Variants in SYT1 observed in about 807,000 individuals in gnomAD.
SYT1 encodes synaptotagmin 1.
In SYT1, 8 loss-of-function variants were observed where a neutral mutation model predicts 44.8. The observed-to-expected ratio is 0.18, with a 90% CI of 0.10 to 0.32. The LOEUF is 0.32. Among genes scored for constraint, SYT1 ranks in the 10% least tolerant of loss-of-function variants. The pLI is 1.00. For missense variants in SYT1, 286 were observed against 509.3 expected, an observed-to-expected ratio of 0.56 and a Z score of 4.22; for synonymous variants, 154 against 188.8, an observed-to-expected ratio of 0.82 and a Z score of 1.51.
intron 9 of SYT1, among the ~76,000 whole-genome samples, chr12:79,433,549 T>C (rs1250926148): frequency 1.3e-5 from 2 of 152,124 alleles, no homozygotes; most frequent in African/African-American, 4.8e-5. Flanking sequence ...GCTTAACCTA[T>C]ATCTCAAAAA....
At chr12:79,339,861 G>A (rs1226593442) in intron 8 of SYT1, among the ~76,000 whole-genome samples, 5 of 152,172 alleles carry the variant, frequency 3.3e-5, no homozygotes, top group Non-Finnish European at 7.3e-5. Flanking sequence ...GTGTAAGGAA[G>A]GGATCCAGTT....
rs1235648180 is a variant in SYT1 at position 79,267,219 on chromosome 12, A to G, written c.167-18568A>G. The stretch of plus-strand genomic sequence containing the variant: ...AATATATCTGCCCCTTTAGCTGATA[A>G]TCTTTTATCATAATTGAATTTAATC... On this transcript the variant is annotated intron_variant, in intron 4 of 10. Coordinates refer to ENST00000261205, the MANE Select transcript of SYT1 (RefSeq NM_005639.3). Among the ~76,000 whole-genome samples the G allele has an allele frequency of 2.0e-5, 3 of 152,230 alleles. No homozygotes were observed. The East Asian group carries it at 5.8e-4, about 29-fold the overall frequency.
chr12:79,134,431 G>A (rs565883171), intron 3 of SYT1, among the ~76,000 whole-genome samples: 6 of 152,292 alleles, frequency 3.9e-5, no homozygotes, highest in African/African-American at 1.4e-4. Flanking sequence ...GAAGCTGAAT[G>A]AAAATGTCAG....
intron 9 of SYT1, among the ~76,000 whole-genome samples, chr12:79,406,328 G>C (rs1263813545): frequency 6.6e-6 from 1 of 152,102 alleles, no homozygotes; most frequent in African/African-American, 2.4e-5. Context: ...GCAAGATAGT[G>C]CCTCTGAGCT....
chr12:79,029,358 T>TTA (rs1555190630), intron 2 of SYT1, among the ~76,000 whole-genome samples: 1 of 133,128 alleles, frequency 7.5e-6, no homozygotes, highest in African/African-American at 2.7e-5. Flanking sequence ...TACAAATCAG[T>TTA]AAAAAAAAAA....
chr12:79,346,161 T>C (rs1213853477), intron 8 of SYT1, among the ~76,000 whole-genome samples: 1 of 152,226 alleles, frequency 6.6e-6, no homozygotes, highest in Admixed American at 6.5e-5. Context: ...TGTATGGGGC[T>C]ACAGAGCCAT....
intron 9 of SYT1, among the ~76,000 whole-genome samples, chr12:79,372,834 A>C (rs1454312242): frequency 2.0e-5 from 3 of 151,628 alleles, no homozygotes; most frequent in Admixed American, 6.6e-5. Flanking sequence ...TAGCTTCTAA[A>C]TAGTTGTCCA....
intron 4 of SYT1, among the ~76,000 whole-genome samples, chr12:79,234,923 A>G (rs890527020): frequency 3.3e-5 from 5 of 151,824 alleles, no homozygotes; most frequent in African/African-American, 1.2e-4. Context: ...GTTGGCTAGG[A>G]TGGTCTCTTT....
intron 3 of SYT1, among the ~76,000 whole-genome samples, chr12:79,081,158 T>C (rs976506492): frequency 1.3e-5 from 2 of 152,174 alleles, no homozygotes; most frequent in African/African-American, 4.8e-5. Context: ...TCAAAAGCTA[T>C]TGTGTGCCTG....
chr12:79,043,508 G>A (rs1873752744), intron 2 of SYT1, among the ~76,000 whole-genome samples: 1 of 149,674 alleles, frequency 6.7e-6, no homozygotes, highest in Admixed American at 6.7e-5. Flanking sequence ...TTTATTTTGA[G>A]CCTATGTGTG....
intron 9 of SYT1, among the ~76,000 whole-genome samples, chr12:79,433,504 C>G (rs1869913964): frequency 6.6e-6 from 1 of 152,096 alleles, no homozygotes; most frequent in Admixed American, 6.5e-5. Flanking sequence ...AAAGAAAAAT[C>G]TCGCTAGTGA....
chr12:79,140,335 T>G (rs1869475357), intron 3 of SYT1, among the ~76,000 whole-genome samples: 1 of 152,180 alleles, frequency 6.6e-6, no homozygotes, highest in Admixed American at 6.6e-5. Flanking sequence ...ATGTTTCCCT[T>G]TACTGCGTAT....
intron 8 of SYT1, among the ~76,000 whole-genome samples, chr12:79,347,463 G>C (rs1018870986): frequency 1.3e-5 from 2 of 152,082 alleles, no homozygotes; most frequent in Non-Finnish European, 2.9e-5. Flanking sequence ...AATTGACTGA[G>C]GTCTTGATGT....
chr12:78,955,739 T>A (rs1331375214), intron 1 of SYT1, among the ~76,000 whole-genome samples: 1 of 151,922 alleles, frequency 6.6e-6, no homozygotes, highest in Non-Finnish European at 1.5e-5. Context: ...AAGAAACTTT[T>A]TTTTTTGCCC....
chr12:79,164,543 C>T (rs1871130843), intron 3 of SYT1, among the ~76,000 whole-genome samples: 1 of 151,836 alleles, frequency 6.6e-6, no homozygotes, highest in South Asian at 2.1e-4. Context: ...TAGAGCATGC[C>T]CAGAAAAAAA....
At chr12:78,975,960 G>A (rs1027908505) in intron 1 of SYT1, among the ~76,000 whole-genome samples, 3 of 152,138 alleles carry the variant, frequency 2.0e-5, no homozygotes, top group Admixed American at 1.3e-4. Flanking sequence ...GGGCATTATT[G>A]TTTAATCATC....
At chr12:79,431,846 G>A (rs1248046235) in intron 9 of SYT1, among the ~76,000 whole-genome samples, 3 of 152,008 alleles carry the variant, frequency 2.0e-5, no homozygotes. Context: ...ACTGGCCCTT[G>A]AGCCACCATG....
chr12:78,914,253 G>C (rs989800983), intron 1 of SYT1, among the ~76,000 whole-genome samples: 1 of 151,820 alleles, frequency 6.6e-6, no homozygotes, highest in Middle Eastern at 3.2e-3. Context: ...TTGCAGTGAA[G>C]ATACCCTGGA....
chr12:78,986,330 A>G (rs983315210), intron 2 of SYT1, among the ~76,000 whole-genome samples: 1 of 149,438 alleles, frequency 6.7e-6, no homozygotes, highest in Admixed American at 6.7e-5. Flanking sequence ...CTTAGAACAT[A>G]TGACAGTTTA....
Sources: gnomAD v4.1 joint callset for allele counts (sites outside exome capture counted in the v4.1 genomes callset) on GRCh38, gnomAD v4.1.1 for gene constraint, MANE v1.5 for transcripts, NCBI Gene and HGNC (gene_info 2026-07-23, HGNC 2026-07-21) for gene names.